The following OSBPL3 variants were observed in gnomAD, a reference collection of about 807,000 sequenced individuals.
OSBPL3 encodes oxysterol-binding protein-related protein 3.
A neutral mutation model predicts 120.1 loss-of-function variants in OSBPL3; 65 were observed. The observed-to-expected ratio is 0.54, with a 90% confidence interval of 0.44 to 0.67. The LOEUF (loss-of-function observed/expected upper bound fraction) is 0.67, where lower values mean the gene tolerates loss of function less well. Among genes scored for constraint, OSBPL3 ranks in the 30% least tolerant of loss-of-function variants. OSBPL3 has a pLI of 0.00. For missense variants in OSBPL3, 1,004 were observed against 1,082.1 expected, an observed-to-expected ratio of 0.93 and a Z score of 1.01; for synonymous variants, 416 against 402.6, an observed-to-expected ratio of 1.03 and a Z score of -0.40.
Position 24,854,353 on chromosome 7 carries a change from A to C in OSBPL3, c.1028-1719T>G, listed in dbSNP as rs1294278870. On this transcript the variant is annotated intron_variant, in intron 10 of 22. Transcript: ENST00000313367. This position sits in a 1 kb window ranked among gnomAD's most constrained non-coding sequence, Gnocchi z 4.1. ...GGGCTATTTAGTAACACAGAAACTAAATAGGCATTATTGACTTACTTCATT... is the reference window on the plus strand; with the variant it reads ...GGGCTATTTAGTAACACAGAAACTACATAGGCATTATTGACTTACTTCATT... 6.6e-6 allele frequency among the ~76,000 whole-genome samples: 1 copy of C among 152,162 alleles called. No individual in the cohort carries two copies. The highest frequency in any genetic ancestry group is 1.5e-5 in the Non-Finnish European group (1 of 68,042).
At chr7:24,858,187 G>T (rs893427186) in intron 10 of OSBPL3, among the ~76,000 whole-genome samples, 1 of 152,178 alleles carries the variant, frequency 6.6e-6, no homozygotes, top group Non-Finnish European at 1.5e-5. Context: ...CCTACCATTT[G>T]ATCTACAAAA....
At chr7:24,925,240 C>G (rs1810904366) in intron 1 of OSBPL3, among the ~76,000 whole-genome samples, 1 of 152,190 alleles carries the variant, frequency 6.6e-6, no homozygotes, top group South Asian at 2.1e-4. Flanking sequence ...CCTTCAACAT[C>G]AACCCCAGAA....
chr7:24,823,936 G>C (rs576522500), intron 16 of OSBPL3, among the ~76,000 whole-genome samples: 3 of 152,306 alleles, frequency 2.0e-5, no homozygotes, highest in African/African-American at 7.2e-5. Context: ...GCAGGATTTT[G>C]GTTGAGTCTG....
Position 24,879,530 on chromosome 7 carries a change from C to G in OSBPL3, c.97-7461G>C, listed in dbSNP as rs1053099374. The stretch of plus-strand genomic sequence containing the variant: ...GTCTTACTACTTGGTTAGCCACAGA[C>G]CAAAAACACTGGTGCCTTCATTACT... On this transcript the variant is annotated intron_variant, in intron 2 of 22. Coordinates refer to ENST00000313367, the MANE Select transcript of OSBPL3 (RefSeq NM_015550.4). The surrounding 1 kb of genome is among the most constrained non-coding windows in gnomAD (Gnocchi z 5.6). 2.0e-5 allele frequency among the ~76,000 whole-genome samples: 3 copies of G among 152,160 alleles called. No individual in the cohort carries two copies. Among genetic ancestry groups the G allele is most frequent in the Non-Finnish European group, 4.4e-5 (3 of 68,036 alleles).
intron 1 of OSBPL3, among the ~76,000 whole-genome samples, chr7:24,908,150 C>T (rs1436778022): frequency 6.6e-6 from 1 of 152,168 alleles, no homozygotes. Flanking sequence ...AGATGTTATG[C>T]CCAAAGCATC....
rs1795452087 is a variant in OSBPL3 at position 24,824,352 on chromosome 7, G to A, written c.1885-4114C>T. ...GAATGCACTTTATATAAGAGGTCAGGGGAGAAGCAGATAGGAAAAGGAGGT... is the reference window on the plus strand; with the variant it reads ...GAATGCACTTTATATAAGAGGTCAGAGGAGAAGCAGATAGGAAAAGGAGGT... On this transcript the variant is annotated intron_variant, in intron 16 of 22. Coordinates refer to ENST00000313367, the MANE Select transcript of OSBPL3 (RefSeq NM_015550.4). The surrounding 1 kb of genome is among the most constrained non-coding windows in gnomAD (Gnocchi z 4.9). 6.6e-6 allele frequency among the ~76,000 whole-genome samples: 1 copy of A among 152,088 alleles called. No individual in the cohort carries two copies. The highest frequency in any genetic ancestry group is 1.5e-5 in the Non-Finnish European group (1 of 68,024).
rs2522237 is a variant in OSBPL3 at position 24,972,423 on chromosome 7, A to G, written c.-150+7463T>C. On this transcript the variant is annotated intron_variant, in intron 1 of 22. Transcript: ENST00000313367. The surrounding 1 kb of genome is among the most constrained non-coding windows in gnomAD (Gnocchi z 4.3). ...TGGAACCTTTCTCTCCAGGGTCCCAATTAAAAGCCAGACTCATTCCCTTTG... is the reference window on the plus strand; with the variant it reads ...TGGAACCTTTCTCTCCAGGGTCCCAGTTAAAAGCCAGACTCATTCCCTTTG... Among the ~76,000 whole-genome samples the G allele has an allele frequency of 0.48, 72,479 of 152,038 alleles. 17,581 individuals are homozygous for G. Among genetic ancestry groups the G allele is most frequent in the South Asian group, 0.64 (3,083 of 4,814 alleles).
chr7:24,980,440 C>G (rs1199368039), upstream of OSBPL3, among the ~76,000 whole-genome samples: 1 of 151,942 alleles, frequency 6.6e-6, no homozygotes, highest in Non-Finnish European at 1.5e-5. Context: ...GCGAGTCCTG[C>G]GGCGAGGCAC....
Position 24,964,168 on chromosome 7 carries a change from G to A in OSBPL3, c.-150+15718C>T, listed in dbSNP as rs936847745. ...AAACAAATCCGACTCACAGAAGAAT[G>A]TCAAATAATTTATGTAGCTACACCA... On this transcript the variant is annotated intron_variant, in intron 1 of 22. Coordinates refer to ENST00000313367, the MANE Select transcript of OSBPL3 (RefSeq NM_015550.4). This position sits in a 1 kb window ranked among gnomAD's most constrained non-coding sequence, Gnocchi z 4.2. Among the ~76,000 whole-genome samples, 2 of 152,162 alleles carry A rather than the reference G, an allele frequency of 1.3e-5. No individual in the cohort carries two copies. The highest frequency in any genetic ancestry group is 6.5e-5 in the Admixed American group (1 of 15,276).
chr7:24,953,698 G>A lies in OSBPL3; in HGVS notation c.-150+26188C>T, dbSNP rs1814715443. ...TATTTCAGATCCTGGTACAGTAGGT[G>A]CCCAGTAAACGCTGAACAAATGAAT... On this transcript the variant is annotated intron_variant, in intron 1 of 22. Transcript: ENST00000313367. The surrounding 1 kb of genome is among the most constrained non-coding windows in gnomAD (Gnocchi z 4.3). Among the ~76,000 whole-genome samples, 1 of 152,178 alleles carries A rather than the reference G, an allele frequency of 6.6e-6. No individual in the cohort carries two copies. Among genetic ancestry groups the A allele is most frequent in the Admixed American group, 6.5e-5 (1 of 15,276 alleles).
rs562791722 is a variant in OSBPL3 at position 24,822,683 on chromosome 7, T to G, written c.1885-2445A>C. Among the ~76,000 whole-genome samples, 1 of 152,358 alleles carries G rather than the reference T, an allele frequency of 6.6e-6. No individual in the cohort carries two copies. The highest frequency in any genetic ancestry group is 1.9e-4 in the East Asian group (1 of 5,186). ...GCATCTTTACAGGTATGGCCGAATG[T>G]AAACACAGTATATAAAAACCATACG... On this transcript the variant is annotated intron_variant, in intron 16 of 22. Coordinates refer to ENST00000313367, the MANE Select transcript of OSBPL3 (RefSeq NM_015550.4). The surrounding 1 kb of genome is among the most constrained non-coding windows in gnomAD (Gnocchi z 5.8).
chr7:24,923,043 A>G (rs1054766083), intron 1 of OSBPL3, among the ~76,000 whole-genome samples: 1 of 152,166 alleles, frequency 6.6e-6, no homozygotes, highest in Non-Finnish European at 1.5e-5. Flanking sequence ...TCCCCGCCCC[A>G]ACACACACAC....
chr7:24,876,961 T>C (rs1005570904), intron 2 of OSBPL3, among the ~76,000 whole-genome samples: 3 of 152,184 alleles, frequency 2.0e-5, no homozygotes, highest in Non-Finnish European at 2.9e-5. Context: ...CATACTTACA[T>C]GATCATGTTT....
chr7:24,834,469 G>A lies in OSBPL3; in HGVS notation c.1746+17C>T, dbSNP rs747827198. ...GGACCGAGGCTGGACAGTGGCAAGG[G>A]AAGGCTGACTCCTCACCATCCTTTC... On this transcript the variant is annotated intron_variant, in intron 15 of 22. Transcript: ENST00000313367. The surrounding 1 kb of genome is among the most constrained non-coding windows in gnomAD (Gnocchi z 5.2). 1.6e-5 allele frequency: 25 copies of A among 1,600,280 alleles called. No homozygotes were observed. The highest frequency in any genetic ancestry group is 2.0e-5 in the Non-Finnish European group (23 of 1,172,342).
chr7:24,826,175 C>T (rs1489351633), intron 16 of OSBPL3, among the ~76,000 whole-genome samples: 1 of 152,208 alleles, frequency 6.6e-6, no homozygotes, highest in Non-Finnish European at 1.5e-5. Context: ...CCAGAGGATA[C>T]TTAGTCCCTG....
intron 1 of OSBPL3, among the ~76,000 whole-genome samples, chr7:24,950,551 T>C (rs1278533495): frequency 6.6e-6 from 1 of 152,008 alleles, no homozygotes; most frequent in African/African-American, 2.4e-5. Context: ...TGAAACCCCG[T>C]CTCTACTAAA....
At position 24,831,043 on chromosome 7, in the gene OSBPL3, A is replaced by G; in HGVS notation, c.1747-138T>C. On this transcript the variant is annotated intron_variant, in intron 15 of 22. Transcript: ENST00000313367. The surrounding 1 kb of genome is among the most constrained non-coding windows in gnomAD (Gnocchi z 4.0). Reference sequence around the variant, plus strand: ...TTGTCTTTGGTTGTTTTTAAACAACATAGGTTTAAAATTGTAGGTTTAAAT... The same window carrying G: ...TTGTCTTTGGTTGTTTTTAAACAACGTAGGTTTAAAATTGTAGGTTTAAAT... The G allele has an allele frequency of 1.2e-6, 1 of 819,448 alleles. No homozygotes were observed. Among genetic ancestry groups the G allele is most frequent in the Non-Finnish European group, 1.8e-6 (1 of 556,730 alleles). 50.8% of individuals were successfully genotyped at this position (819,448 alleles called of 1,614,324 possible).
chr7:24,902,050 T>A (rs1265617908), intron 1 of OSBPL3, among the ~76,000 whole-genome samples: 4 of 152,236 alleles, frequency 2.6e-5, no homozygotes. Flanking sequence ...TAGGCAAGTT[T>A]TTAGTCTCTC....
chr7:24,951,601 C>T (rs1814446329), intron 1 of OSBPL3, among the ~76,000 whole-genome samples: 2 of 152,124 alleles, frequency 1.3e-5, no homozygotes, highest in Admixed American at 1.3e-4. Context: ...AATCCCTTCC[C>T]CCTACCCACA....
Sources: allele counts gnomAD v4.1 joint callset (sites outside exome capture counted in the v4.1 genomes callset), GRCh38; gene constraint gnomAD v4.1.1; non-coding constraint Gnocchi (gnomAD v3.1); transcripts MANE v1.5; gene names NCBI Gene and HGNC (gene_info 2026-07-23, HGNC 2026-07-21).